Variants in TENM3 observed in about 807,000 individuals in gnomAD.
TENM3 encodes teneurin-3.
In TENM3, 63 loss-of-function variants were observed where a neutral mutation model predicts 255.1. The ratio of observed to expected loss-of-function variants is 0.25; its 90% CI spans 0.20 to 0.30. The LOEUF is 0.30. Among genes scored for constraint, TENM3 ranks in the 10% least tolerant of loss-of-function variants. The probability of loss-of-function intolerance (pLI) is 1.00; values close to 1 mark genes in which losing one functional copy is unlikely to be tolerated. For synonymous variants in TENM3, 1,306 were observed against 1,322.3 expected (o/e 0.99, Z 0.27); for missense variants, 2,929 against 3,461.1 (o/e 0.85, Z 3.86).
the TENM3 span, among the ~76,000 whole-genome samples, chr4:181,735,771 A>G: frequency 2.9e-4 from 44 of 152,254 alleles, no homozygotes; most frequent in African/African-American, 1.1e-3. Flanking sequence ...CCTTAGTGCT[A>G]CTAGATCGAA....
intron 1 of TENM3, among the ~76,000 whole-genome samples, chr4:182,308,774 G>T (rs1270561011): frequency 6.6e-6 from 1 of 152,118 alleles, no homozygotes; most frequent in East Asian, 1.9e-4. Flanking sequence ...AGTGTATTGT[G>T]CCTATGCATT....
intron 1 of TENM3, among the ~76,000 whole-genome samples, chr4:182,147,588 A>G (rs1750057013): frequency 6.6e-6 from 1 of 152,178 alleles, no homozygotes; most frequent in Non-Finnish European, 1.5e-5. Context: ...GAAGCTGTGC[A>G]ACCTGTTAAG....
At chr4:181,622,630 C>T in the TENM3 span, among the ~76,000 whole-genome samples, 11 of 152,132 alleles carry the variant, frequency 7.2e-5, no homozygotes, top group African/African-American at 2.7e-4. Flanking sequence ...GAGCTGAGAT[C>T]GCGCCACTGT....
intron 3 of TENM3, among the ~76,000 whole-genome samples, chr4:182,455,836 A>G (rs967095835): frequency 6.6e-6 from 1 of 152,088 alleles, no homozygotes; most frequent in Non-Finnish European, 1.5e-5. Flanking sequence ...TGCTGGGATG[A>G]TAGGCATGAG....
chr4:182,028,626 G>A, the TENM3 span, among the ~76,000 whole-genome samples: 1 of 151,996 alleles, frequency 6.6e-6, no homozygotes, highest in African/African-American at 2.4e-5. Context: ...GTTTCTCACT[G>A]GTTTTGGTAT....
intron 6 of TENM3, among the ~76,000 whole-genome samples, chr4:182,672,295 C>G (rs1755286574): frequency 6.6e-6 from 1 of 152,094 alleles, no homozygotes; most frequent in Non-Finnish European, 1.5e-5. Flanking sequence ...TCCTATGCAT[C>G]AAAGATCAGT....
rs145155107 is a variant in TENM3 at position 182,291,983 on chromosome 4, G to A, written c.-75-31963G>A. On this transcript the variant is annotated intron_variant, in intron 1 of 27. Transcript: ENST00000511685. ...TTTGTAATCTTATTAAAACTTGGACGTCTTAGATAAGGACCCATAAAAAAG... is the reference window on the plus strand; with the variant it reads ...TTTGTAATCTTATTAAAACTTGGACATCTTAGATAAGGACCCATAAAAAAG... Among the ~76,000 whole-genome samples, 77 of 152,126 alleles carry A rather than the reference G, an allele frequency of 5.1e-4. 3 individuals carry two copies. In the East Asian group the frequency reaches 0.014, roughly 28 times the overall value.
chr4:182,094,913 T>C, the TENM3 span, among the ~76,000 whole-genome samples: 2 of 129,128 alleles, frequency 1.5e-5, no homozygotes, highest in Non-Finnish European at 3.3e-5. Flanking sequence ...ATAAACACAA[T>C]AGATAATGTC....
chr4:181,758,365 AC>A, the TENM3 span, among the ~76,000 whole-genome samples: 12 of 152,300 alleles, frequency 7.9e-5, no homozygotes, highest in African/African-American at 9.6e-5. Flanking sequence ...GATGTGCTTA[AC>A]TTTTTAAACA....
At chr4:181,654,230 GAA>G in the TENM3 span, among the ~76,000 whole-genome samples, 44 of 110,452 alleles carry the variant, frequency 4.0e-4, no homozygotes, top group Admixed American at 6.9e-4. Flanking sequence ...CTGCCTTCAG[GAA>G]AAAAAAAAAA....
chr4:181,465,563 A>C, the TENM3 span, among the ~76,000 whole-genome samples: 1 of 152,230 alleles, frequency 6.6e-6, no homozygotes. Context: ...AATATGCAAA[A>C]ATAGTTACAT....
intron 3 of TENM3, among the ~76,000 whole-genome samples, chr4:182,572,200 C>T (rs905818743): frequency 6.6e-6 from 1 of 152,188 alleles, no homozygotes; most frequent in African/African-American, 2.4e-5. Context: ...CTGCGCCCGG[C>T]CAATATTACT....
intron 1 of TENM3, among the ~76,000 whole-genome samples, chr4:182,276,220 T>G (rs140891631): frequency 9.8e-5 from 15 of 152,336 alleles, no homozygotes; most frequent in African/African-American, 3.4e-4. Flanking sequence ...CACATCATTT[T>G]CCACATAAGC....
At chr4:181,643,003 CA>C in the TENM3 span, among the ~76,000 whole-genome samples, 1 of 152,084 alleles carries the variant, frequency 6.6e-6, no homozygotes, top group African/African-American at 2.4e-5. Context: ...TCTTTGGTTC[CA>C]TATGAAGTTT....
chr4:182,715,266 C>A (rs892551920), intron 13 of TENM3, among the ~76,000 whole-genome samples: 3 of 152,156 alleles, frequency 2.0e-5, no homozygotes, highest in African/African-American at 7.2e-5. Flanking sequence ...ACACTTGCCA[C>A]GTGTGTTAGG....
chr4:181,544,408 TAAAAAAAAAAAAAAAAAA>T, the TENM3 span, among the ~76,000 whole-genome samples: 127 of 68,674 alleles, frequency 1.8e-3, 2 homozygotes, highest in African/African-American at 6.6e-3. Context: ...CCTTCAGGAT[TAAAAAAAAAAAAAAAAAA>T]AAAAAAAAAA....
intron 20 of TENM3, 126 bp from the exon 21 acceptor site, chr4:182,753,323 TC>T: frequency 2.8e-6 from 2 of 717,458 alleles, no homozygotes; most frequent in Non-Finnish European, 4.7e-6. Context: ...CAATCTGCAG[TC>T]CTACCTGCTA....
intron 3 of TENM3, among the ~76,000 whole-genome samples, chr4:182,445,493 G>A (rs562877561): frequency 3.5e-4 from 54 of 152,148 alleles, no homozygotes; most frequent in Middle Eastern, 3.4e-3. Flanking sequence ...TCTCAGTGTC[G>A]GTTACAATTC....
intron 3 of TENM3, among the ~76,000 whole-genome samples, chr4:182,394,604 T>C (rs1189710776): frequency 5.3e-5 from 8 of 152,232 alleles, no homozygotes; most frequent in African/African-American, 1.9e-4. Flanking sequence ...GTTTTTGTTT[T>C]AATCATTTCT....
Sources: gnomAD v4.1 joint callset for allele counts (sites outside exome capture counted in the v4.1 genomes callset) on GRCh38, gnomAD v4.1.1 for gene constraint, MANE v1.5 for transcripts, NCBI Gene and HGNC (gene_info 2026-07-23, HGNC 2026-07-21) for gene names.